Variants in IGFL2 observed in about 807,000 individuals in gnomAD.
The protein encoded by IGFL2 is insulin growth factor-like family member 2.
IGFL2 carries 7 observed loss-of-function variants against 13.9 expected under a neutral mutation model. The ratio of observed to expected loss-of-function variants is 0.51; its 90% CI spans 0.29 to 0.95. The LOEUF (loss-of-function observed/expected upper bound fraction) is 0.95. Among genes scored for constraint, IGFL2 ranks in the 40% least tolerant of loss-of-function variants. The pLI, the probability that IGFL2 is intolerant of heterozygous loss-of-function variation, is 0.08. For missense variants in IGFL2, 138 were observed against 147.8 expected (o/e 0.93, Z 0.34); for synonymous variants, 55 against 55.8 (o/e 0.99, Z 0.07).
the IGFL2 span, among the ~76,000 whole-genome samples, chr19:46,126,105 T>C: frequency 6.6e-6 from 1 of 151,546 alleles, no homozygotes; most frequent in Admixed American, 6.6e-5. Context: ...TTTGCAACTC[T>C]AAGATGCAAT....
the IGFL2 span, chr19:46,200,973 A>G: frequency 6.6e-6 from 1 of 152,246 alleles, no homozygotes; most frequent in African/African-American, 2.4e-5. Flanking sequence ...TGTTTCTTGA[A>G]TTAAAAAAAT....
the IGFL2 span, among the ~76,000 whole-genome samples, chr19:46,093,486 C>T: frequency 7.2e-5 from 11 of 152,078 alleles, no homozygotes; most frequent in African/African-American, 2.4e-4. Context: ...CTCCTAAGGT[C>T]GGGAACAAGG....
intron 1 of IGFL2, among the ~76,000 whole-genome samples, chr19:46,154,291 T>G (rs1041482103): frequency 1.3e-5 from 2 of 152,220 alleles, no homozygotes; most frequent in Non-Finnish European, 2.9e-5. Flanking sequence ...TTCTTTTTAA[T>G]AGGCCTGTGG....
chr19:46,194,142 T>C, the IGFL2 span, among the ~76,000 whole-genome samples: 9 of 152,006 alleles, frequency 5.9e-5, no homozygotes, highest in South Asian at 4.2e-4. Context: ...CTGGAGTGCA[T>C]TGTACTCCCT....
the IGFL2 span, among the ~76,000 whole-genome samples, chr19:46,092,070 A>G: frequency 1.3e-5 from 2 of 152,214 alleles, no homozygotes; most frequent in African/African-American, 4.8e-5. Flanking sequence ...GGATTTCAAG[A>G]TAAGTTAAAT....
chr19:46,135,568 C>T, the IGFL2 span, among the ~76,000 whole-genome samples: 2 of 152,186 alleles, frequency 1.3e-5, no homozygotes, highest in Non-Finnish European at 2.9e-5. Flanking sequence ...GTTCGTGAGA[C>T]CTTTGATCTG....
chr19:46,099,004 C>CA, the IGFL2 span, among the ~76,000 whole-genome samples: 2 of 152,164 alleles, frequency 1.3e-5, no homozygotes, highest in African/African-American at 4.8e-5. Flanking sequence ...GGAGCTCTTG[C>CA]AAGGCAGGCC....
chr19:46,176,009 ATTT>A, the IGFL2 span, among the ~76,000 whole-genome samples: 13 of 71,900 alleles, frequency 1.8e-4, no homozygotes, highest in Non-Finnish European at 2.8e-4. Context: ...CGCCCGACTA[ATTT>A]TTTTTTTTTT....
chr19:46,155,773 A>G (rs1027180703), intron 1 of IGFL2, among the ~76,000 whole-genome samples: 3 of 152,190 alleles, frequency 2.0e-5, no homozygotes, highest in South Asian at 4.1e-4. Flanking sequence ...TAGTGGTACA[A>G]TTGTGATAAA....
At chr19:46,150,527 G>T (rs1341902925) in intron 1 of IGFL2, among the ~76,000 whole-genome samples, 1 of 151,776 alleles carries the variant, frequency 6.6e-6, no homozygotes, top group South Asian at 2.1e-4. Flanking sequence ...ATATTTATGG[G>T]GTAAAATATG....
At chr19:46,211,211 G>A in the IGFL2 span, among the ~76,000 whole-genome samples, 1 of 152,152 alleles carries the variant, frequency 6.6e-6, no homozygotes, top group Non-Finnish European at 1.5e-5. Context: ...TAATTCACTG[G>A]TCTGCATCAT....
chr19:46,084,788 C>T, the IGFL2 span, among the ~76,000 whole-genome samples: 258 of 152,310 alleles, frequency 1.7e-3, 3 homozygotes, highest in East Asian at 0.038. Context: ...ACTGGTGCCC[C>T]CTCCAACACT....
At chr19:46,143,701 C>G (rs553624619), upstream of IGFL2, among the ~76,000 whole-genome samples, 121 of 152,312 alleles carry the variant, frequency 7.9e-4, 1 homozygote, top group Middle Eastern at 0.017. Context: ...CAATAGCTCA[C>G]ATTTATAAAC....
Position 46,153,019 on chromosome 19 carries a change from C to T in IGFL2, c.19+4722C>T, listed in dbSNP as rs1470231172. Among the ~76,000 whole-genome samples, 3 of 152,174 alleles carry T rather than the reference C, an allele frequency of 2.0e-5. No homozygotes were observed. In the East Asian group the frequency reaches 5.8e-4, roughly 29 times the overall value. On this transcript the variant is annotated intron_variant, in intron 1 of 3. Transcript: ENST00000377693. The stretch of plus-strand genomic sequence containing the variant: ...CCAACTTTGCATCCGTGGGATAAAT[C>T]CACTTGGTCATGGCGTATCGTTCTT...
At chr19:46,148,589 C>A (rs1027424103) in intron 1 of IGFL2, among the ~76,000 whole-genome samples, 2 of 152,152 alleles carry the variant, frequency 1.3e-5, no homozygotes, top group African/African-American at 4.8e-5. Context: ...ACCAAAGAAA[C>A]TCAGAGACAT....
chr19:46,176,009 A>AT, the IGFL2 span, among the ~76,000 whole-genome samples: 7,520 of 71,790 alleles, frequency 0.1, 1,165 homozygotes, highest in African/African-American at 0.26. Flanking sequence ...CGCCCGACTA[A>AT]TTTTTTTTTT....
chr19:46,167,969 T>C, the IGFL2 span, among the ~76,000 whole-genome samples: 2 of 152,222 alleles, frequency 1.3e-5, no homozygotes, highest in African/African-American at 4.8e-5. Context: ...ACCCAGTCTG[T>C]GGTATTTTGT....
At chr19:46,139,260 T>C (rs746406278), upstream of IGFL2, among the ~76,000 whole-genome samples, 2 of 151,090 alleles carry the variant, frequency 1.3e-5, no homozygotes, top group Non-Finnish European at 2.9e-5. Flanking sequence ...GCTGGTCTTC[T>C]TGATGGTCAG....
At chr19:46,195,280 G>A in the IGFL2 span, 2 of 152,816 alleles carry the variant, frequency 1.3e-5, no homozygotes, top group African/African-American at 4.8e-5. Context: ...GCCTCCCCAA[G>A]TGTTGGAATT....
Sources: gnomAD v4.1 joint callset for allele counts (sites outside exome capture counted in the v4.1 genomes callset) on GRCh38, gnomAD v4.1.1 for gene constraint, MANE v1.5 for transcripts, NCBI Gene and HGNC (gene_info 2026-07-23, HGNC 2026-07-21) for gene names.